PCGF5: variants seen among roughly 807,000 people sequenced by gnomAD.
PCGF5 encodes polycomb group RING finger protein 5.
Under a neutral mutation model 44.3 loss-of-function variants are expected in PCGF5, and 9 were observed. That is an observed-to-expected ratio of 0.20 (90% CI 0.12 to 0.35). The LOEUF is 0.35. Among genes scored for constraint, PCGF5 ranks in the 10% least tolerant of loss-of-function variants. The pLI is 1.00. For missense variants in PCGF5, 146 were observed against 305.3 expected (o/e 0.48, Z 3.89); for synonymous variants, 95 against 102.5 (o/e 0.93, Z 0.44).
At chr10:91,219,569 C>T (rs541981603), upstream of PCGF5, among the ~76,000 whole-genome samples, 42 of 152,306 alleles carry the variant, frequency 2.8e-4, no homozygotes, top group African/African-American at 1.0e-3. Flanking sequence ...TTCTCTTACT[C>T]ATTGTGATTG....
intron 1 of PCGF5, among the ~76,000 whole-genome samples, chr10:91,202,881 A>G (rs1844278879): frequency 6.6e-6 from 1 of 152,212 alleles, no homozygotes; most frequent in Admixed American, 6.5e-5. Context: ...AAAGGTTGAC[A>G]TGATTAATGT....
chr10:91,246,284 AC>A (rs1845458242), intron 3 of PCGF5, among the ~76,000 whole-genome samples: 1 of 152,160 alleles, frequency 6.6e-6, no homozygotes, highest in African/African-American at 2.4e-5. Context: ...TTTACGAATG[AC>A]CTTGTCTTGA....
At chr10:91,226,270 G>T (rs1176276936) in intron 2 of PCGF5, among the ~76,000 whole-genome samples, 6 of 72,438 alleles carry the variant, frequency 8.3e-5, no homozygotes, top group African/African-American at 2.3e-4. Context: ...TGAAGAAAGA[G>T]TAATCAAGTT....
chr10:91,227,836 G>C (rs915673904), intron 2 of PCGF5: 1 of 986,460 alleles, frequency 1.0e-6, no homozygotes, highest in Non-Finnish European at 1.2e-6. Flanking sequence ...TGCCTCCTCT[G>C]TGCCCAGCTA....
chr10:91,245,520 G>T (rs1845437580), intron 3 of PCGF5, among the ~76,000 whole-genome samples: 1 of 147,090 alleles, frequency 6.8e-6, no homozygotes, highest in Non-Finnish European at 1.5e-5. Context: ...AGCCAAGAAG[G>T]TTCTTTATTT....
intron 8 of PCGF5, among the ~76,000 whole-genome samples, chr10:91,271,166 A>C (rs1349671170): frequency 6.6e-6 from 1 of 151,458 alleles, no homozygotes; most frequent in Non-Finnish European, 1.5e-5. Context: ...AGAACCTACT[A>C]TAAAACAGAA....
chr10:91,220,336 G>C (rs1844632536), upstream of PCGF5: 1 of 152,248 alleles, frequency 6.6e-6, no homozygotes, highest in African/African-American at 2.4e-5. Flanking sequence ...GGGTGCGTCA[G>C]TCTCATCACT....
At chr10:91,272,906 T>C (rs1250716512) in intron 9 of PCGF5, among the ~76,000 whole-genome samples, 1 of 152,260 alleles carries the variant, frequency 6.6e-6, no homozygotes, top group Non-Finnish European at 1.5e-5. Flanking sequence ...TTAACTGGCA[T>C]ACTTACCTCC....
At chr10:91,212,322 A>G (rs1844467597) in intron 1 of PCGF5, among the ~76,000 whole-genome samples, 1 of 152,190 alleles carries the variant, frequency 6.6e-6, no homozygotes, top group Non-Finnish European at 1.5e-5. Flanking sequence ...AGATACATGA[A>G]ATATTGTGTT....
chr10:91,256,002 AT>A (rs1845743590), intron 6 of PCGF5, among the ~76,000 whole-genome samples: 1 of 152,010 alleles, frequency 6.6e-6, no homozygotes. Flanking sequence ...TGTTATTTTT[AT>A]TGTTTTTAAA....
chr10:91,239,819 GT>G (rs1165756180), intron 2 of PCGF5, among the ~76,000 whole-genome samples: 2 of 152,142 alleles, frequency 1.3e-5, no homozygotes, highest in Non-Finnish European at 2.9e-5. Flanking sequence ...TATTTCCATT[GT>G]CTTTGTTTAG....
chr10:91,246,131 C>A (rs1355569108), intron 3 of PCGF5, among the ~76,000 whole-genome samples: 1 of 152,010 alleles, frequency 6.6e-6, no homozygotes, highest in Non-Finnish European at 1.5e-5. Flanking sequence ...CTAAATTGGG[C>A]TGGAAGGACA....
chr10:91,200,320 C>G (rs1333822679), intron 1 of PCGF5, among the ~76,000 whole-genome samples: 3 of 152,180 alleles, frequency 2.0e-5, no homozygotes, highest in Non-Finnish European at 4.4e-5. Flanking sequence ...GACTACTGAC[C>G]AGGGTTCTTT....
chr10:91,261,899 A>G (rs573566536), intron 7 of PCGF5, among the ~76,000 whole-genome samples: 1 of 152,372 alleles, frequency 6.6e-6, no homozygotes, highest in East Asian at 1.9e-4. Context: ...TAACCAACAT[A>G]TTATAGCTGC....
chr10:91,189,365 G>A (rs1397207278), intron 1 of PCGF5, among the ~76,000 whole-genome samples: 1 of 152,160 alleles, frequency 6.6e-6, no homozygotes, highest in Non-Finnish European at 1.5e-5. Flanking sequence ...AGGCAGGGAG[G>A]TGATGTTTTG....
At chr10:91,231,809 G>T (rs190441255) in intron 2 of PCGF5, among the ~76,000 whole-genome samples, 1 of 152,224 alleles carries the variant, frequency 6.6e-6, no homozygotes, top group African/African-American at 2.4e-5. Flanking sequence ...CAGTAATCCA[G>T]GCAGGAGATG....
At chr10:91,179,332 T>TA (rs910607769) in intron 1 of PCGF5, among the ~76,000 whole-genome samples, 12 of 152,124 alleles carry the variant, frequency 7.9e-5, no homozygotes, top group South Asian at 4.2e-4. Context: ...GTTTCTTTTT[T>TA]AAAAAAAAAT....
chr10:91,243,015 A>T (rs942602559), intron 3 of PCGF5, among the ~76,000 whole-genome samples: 1 of 152,204 alleles, frequency 6.6e-6, no homozygotes, highest in Non-Finnish European at 1.5e-5. Context: ...TAAAAACAAG[A>T]TATCCTGTAT....
At chr10:91,218,506 G>A (rs1844589295), upstream of PCGF5, among the ~76,000 whole-genome samples, 1 of 152,104 alleles carries the variant, frequency 6.6e-6, no homozygotes, top group Non-Finnish European at 1.5e-5. Flanking sequence ...GGAGCCCCAG[G>A]GGAGAAGGAG....
Sources: allele counts gnomAD v4.1 joint callset (sites outside exome capture counted in the v4.1 genomes callset), GRCh38; gene constraint gnomAD v4.1.1; transcripts MANE v1.5; gene names NCBI Gene and HGNC (gene_info 2026-07-23, HGNC 2026-07-21).